The following TNFSF4 variants were observed in gnomAD, a reference collection of about 807,000 sequenced individuals.
TNFSF4 encodes TNF superfamily member 4, also known as tumor necrosis factor ligand superfamily member 4.
TNFSF4 carries 4 observed loss-of-function variants against 7.3 expected under a neutral mutation model. The ratio of observed to expected loss-of-function variants is 0.55; its 90% CI spans 0.27 to 1.25. TNFSF4 has a LOEUF of 1.25. Among genes scored for constraint, TNFSF4 ranks in the 50% most tolerant of loss-of-function variants. The pLI, the probability that TNFSF4 is intolerant of heterozygous loss-of-function variation, is 0.12. For synonymous variants in TNFSF4, 76 were observed against 83.7 expected (o/e 0.91, Z 0.50); for missense variants, 181 against 208.8 (o/e 0.87, Z 0.82).
the TNFSF4 span, among the ~76,000 whole-genome samples, chr1:173,371,414 C>T: frequency 2.0e-5 from 3 of 151,972 alleles, no homozygotes; most frequent in African/African-American, 7.3e-5. Context: ...ATTTGTTGTC[C>T]CCTGCTTGAG....
At chr1:173,249,677 T>C in the TNFSF4 span, among the ~76,000 whole-genome samples, 1 of 152,144 alleles carries the variant, frequency 6.6e-6, no homozygotes, top group Non-Finnish European at 1.5e-5. Flanking sequence ...CACAGTATAT[T>C]AACAGTTCAT....
the TNFSF4 span, among the ~76,000 whole-genome samples, chr1:173,239,466 T>A: frequency 6.6e-6 from 1 of 152,174 alleles, no homozygotes; most frequent in Non-Finnish European, 1.5e-5. Flanking sequence ...TCACAACAAA[T>A]AAGGCATCTG....
chr1:173,255,173 G>T, the TNFSF4 span, among the ~76,000 whole-genome samples: 1 of 152,094 alleles, frequency 6.6e-6, no homozygotes, highest in East Asian at 1.9e-4. Context: ...TTGTAACAAG[G>T]GTCAAAAAGA....
At chr1:173,221,344 C>A in the TNFSF4 span, among the ~76,000 whole-genome samples, 1 of 151,972 alleles carries the variant, frequency 6.6e-6, no homozygotes, top group African/African-American at 2.4e-5. Flanking sequence ...GCAAAACAGA[C>A]CACAATGGAA....
the TNFSF4 span, among the ~76,000 whole-genome samples, chr1:173,286,622 A>G: frequency 5.3e-5 from 8 of 152,308 alleles, no homozygotes; most frequent in African/African-American, 1.4e-4. Context: ...TAAACGTGAA[A>G]GTTAAAACAA....
chr1:173,347,776 C>A, the TNFSF4 span, among the ~76,000 whole-genome samples: 1 of 152,188 alleles, frequency 6.6e-6, no homozygotes, highest in South Asian at 2.1e-4. Flanking sequence ...GCTTCTCAGC[C>A]TCAGCAACAT....
chr1:173,370,407 C>T, the TNFSF4 span, among the ~76,000 whole-genome samples: 1 of 152,174 alleles, frequency 6.6e-6, no homozygotes, highest in Non-Finnish European at 1.5e-5. Context: ...GACCTAGACT[C>T]ATATCATTGC....
At chr1:173,334,290 T>C in the TNFSF4 span, among the ~76,000 whole-genome samples, 1 of 152,132 alleles carries the variant, frequency 6.6e-6, no homozygotes, top group African/African-American at 2.4e-5. Context: ...ATATCTGCAT[T>C]AAATACTCCC....
chr1:173,416,541 T>C, the TNFSF4 span, among the ~76,000 whole-genome samples: 1 of 152,188 alleles, frequency 6.6e-6, no homozygotes, highest in Non-Finnish European at 1.5e-5. Context: ...TAACAATATC[T>C]TCATTATCAT....
At chr1:173,405,829 T>A in the TNFSF4 span, among the ~76,000 whole-genome samples, 1 of 152,230 alleles carries the variant, frequency 6.6e-6, no homozygotes, top group Non-Finnish European at 1.5e-5. Flanking sequence ...AGCATTGGAT[T>A]TGATTTTATT....
chr1:173,348,375 T>C, the TNFSF4 span, among the ~76,000 whole-genome samples: 1 of 152,208 alleles, frequency 6.6e-6, no homozygotes, highest in Non-Finnish European at 1.5e-5. Flanking sequence ...TCCACCATGA[T>C]TGTGAGGCCT....
the TNFSF4 span, among the ~76,000 whole-genome samples, chr1:173,289,845 G>T: frequency 6.6e-6 from 1 of 151,546 alleles, no homozygotes; most frequent in Non-Finnish European, 1.5e-5. Flanking sequence ...TAAGTACCAA[G>T]ATAGAAAAAA....
the TNFSF4 span, among the ~76,000 whole-genome samples, chr1:173,449,322 C>T: frequency 6.6e-6 from 1 of 151,602 alleles, no homozygotes; most frequent in Non-Finnish European, 1.5e-5. Flanking sequence ...TACCCTGTCT[C>T]AGGTATTTCT....
At chr1:173,398,072 CA>C in the TNFSF4 span, among the ~76,000 whole-genome samples, 1 of 152,194 alleles carries the variant, frequency 6.6e-6, no homozygotes, top group East Asian at 1.9e-4. Context: ...CATATCTGTC[CA>C]TAAGGCCAAC....
chr1:173,227,796 G>A, the TNFSF4 span, among the ~76,000 whole-genome samples: 4 of 152,198 alleles, frequency 2.6e-5, no homozygotes, highest in Admixed American at 6.5e-5. Context: ...TATATCCCAC[G>A]CATGGCTTGG....
the TNFSF4 span, among the ~76,000 whole-genome samples, chr1:173,242,593 C>T: frequency 4.6e-5 from 7 of 152,138 alleles, no homozygotes; most frequent in Non-Finnish European, 2.9e-5. Context: ...AATTAAGGAA[C>T]TTTAAAGATT....
chr1:173,445,170 A>G, the TNFSF4 span, among the ~76,000 whole-genome samples: 1 of 152,242 alleles, frequency 6.6e-6, no homozygotes, highest in Non-Finnish European at 1.5e-5. Context: ...ATTACAGCTA[A>G]AAACTCTGGA....
chr1:173,264,293 G>A, the TNFSF4 span, among the ~76,000 whole-genome samples: 2 of 149,932 alleles, frequency 1.3e-5, no homozygotes. Flanking sequence ...GACCACAGGT[G>A]CATGCCACCA....
the TNFSF4 span, among the ~76,000 whole-genome samples, chr1:173,392,897 C>A: frequency 2.6e-5 from 4 of 152,070 alleles, no homozygotes; most frequent in Non-Finnish European, 5.9e-5. Context: ...GGATTTTACT[C>A]CAAATAAAAT....
Sources: allele counts gnomAD v4.1 joint callset (sites outside exome capture counted in the v4.1 genomes callset), GRCh38; gene constraint gnomAD v4.1.1; transcripts MANE v1.5; gene names NCBI Gene and HGNC (gene_info 2026-07-23, HGNC 2026-07-21).